JMJD1C: variants seen among roughly 807,000 people sequenced by gnomAD.
The protein encoded by JMJD1C is jumonji domain-containing protein 1C.
JMJD1C carries 31 observed loss-of-function variants against 245.3 expected under a neutral mutation model. That is an observed-to-expected ratio of 0.13 (90% CI 0.09 to 0.17). JMJD1C has a LOEUF of 0.17. Among genes scored for constraint, JMJD1C ranks in the 10% least tolerant of loss-of-function variants. The probability of loss-of-function intolerance (pLI) is 1.00; values close to 1 mark genes in which losing one functional copy is unlikely to be tolerated. For missense variants in JMJD1C, 2,691 were observed against 3,000.2 expected (o/e 0.90, Z 2.41); for synonymous variants, 1,057 against 1,017.4 (o/e 1.04, Z -0.74).
At chr10:63,394,397 A>G (rs1948316766) in intron 1 of JMJD1C, among the ~76,000 whole-genome samples, 1 of 152,232 alleles carries the variant, frequency 6.6e-6, no homozygotes, top group Non-Finnish European at 1.5e-5. Context: ...GGGAGAAAGT[A>G]AATAAATTCA....
intron 1 of JMJD1C, among the ~76,000 whole-genome samples, chr10:63,453,372 A>G (rs1196245662): frequency 6.6e-6 from 1 of 152,210 alleles, no homozygotes; most frequent in Non-Finnish European, 1.5e-5. Flanking sequence ...TTGAAAATGA[A>G]GAGTAATGAA....
At chr10:63,279,226 G>A (rs1857146549) in intron 2 of JMJD1C, among the ~76,000 whole-genome samples, 1 of 152,082 alleles carries the variant, frequency 6.6e-6, no homozygotes, top group African/African-American at 2.4e-5. Context: ...CTCCAGCCTG[G>A]GCAAAAGAGC....
At chr10:63,244,081 C>T (rs1564670631) in intron 3 of JMJD1C, among the ~76,000 whole-genome samples, 1 of 152,106 alleles carries the variant, frequency 6.6e-6, no homozygotes, top group African/African-American at 2.4e-5. Flanking sequence ...GAGAAATATC[C>T]CTGAGGACAG....
chr10:63,183,537 T>C lies in JMJD1C; in HGVS notation c.6994A>G (p.Thr2332Ala). Residue 2332 changes from threonine to alanine, a missense_variant, in exon 22 of 26, where the codon ACA becomes GCA. Thr to Ala is a moderately conservative substitution (Grantham distance 58). Transcript: ENST00000399262. ...GAAACTTCAATATGGAGATTTGTTG[T>C]TCCTATATCATGATCTTTAGCAGCA... The part of the protein sequence containing the change: ...VVAAKDHDIG[T>A]TNLHIEVSDV... 6.2e-7 allele frequency: 1 copy of C among 1,603,256 alleles called. No homozygotes were observed. The highest frequency in any genetic ancestry group is 8.5e-7 in the Non-Finnish European group (1 of 1,173,424).
intron 2 of JMJD1C, among the ~76,000 whole-genome samples, chr10:63,318,376 T>C (rs1357936237): frequency 6.6e-6 from 1 of 152,170 alleles, no homozygotes; most frequent in Non-Finnish European, 1.5e-5. Flanking sequence ...CACCATCCAG[T>C]GATTTCATTT....
intron 1 of JMJD1C, among the ~76,000 whole-genome samples, chr10:63,440,355 T>TAC (rs1456436818): frequency 7.8e-6 from 1 of 128,234 alleles, no homozygotes; most frequent in Non-Finnish European, 1.7e-5. Context: ...AAAAAAAAAA[T>TAC]ATATATATAT....
At chr10:63,518,975 G>A (rs1383776305) in intron 1 of JMJD1C, among the ~76,000 whole-genome samples, 1 of 152,182 alleles carries the variant, frequency 6.6e-6, no homozygotes, top group Non-Finnish European at 1.5e-5. Context: ...CGCCAGTTGA[G>A]TTAACTTCTC....
chr10:63,245,822 TATTCAC>T (rs1388158915), intron 3 of JMJD1C, among the ~76,000 whole-genome samples: 1 of 152,148 alleles, frequency 6.6e-6, no homozygotes, highest in Non-Finnish European at 1.5e-5. Context: ...TCGTGAGACT[TATTCAC>T]TATCACAAGA....
intron 3 of JMJD1C, among the ~76,000 whole-genome samples, chr10:63,223,229 GTTTTT>G (rs35485931): frequency 7.8e-6 from 1 of 128,402 alleles, no homozygotes; most frequent in African/African-American, 3.1e-5. Flanking sequence ...TTTCTGTGCT[GTTTTT>G]TTTTTTTTTT....
At chr10:63,243,243 T>C (rs1332777052) in intron 3 of JMJD1C, among the ~76,000 whole-genome samples, 1 of 151,528 alleles carries the variant, frequency 6.6e-6, no homozygotes, top group African/African-American at 2.4e-5. Context: ...TTTGATTAAT[T>C]TGGCCAGGCG....
At chr10:63,225,585 C>T (rs1849166276) in intron 3 of JMJD1C, among the ~76,000 whole-genome samples, 3 of 151,984 alleles carry the variant, frequency 2.0e-5, no homozygotes, top group South Asian at 4.2e-4. Context: ...GGGGTTCGAC[C>T]TGGCCAACAT....
At chr10:63,184,522 G>T in intron 21 of JMJD1C, 86 bp downstream of exon 21, 1 of 1,191,968 alleles carries the variant, frequency 8.4e-7, no homozygotes, top group Non-Finnish European at 1.2e-6. Context: ...GGGATTGCAG[G>T]CGTGAGCCAC....
chr10:63,234,506 A>AAAAAAAAAAAAAAAAAAAAAAAAAAC (rs1850444076), intron 3 of JMJD1C, among the ~76,000 whole-genome samples: 1 of 148,630 alleles, frequency 6.7e-6, no homozygotes, highest in Admixed American at 6.7e-5. Flanking sequence ...AAAAAAAAAA[A>AAAAAAAAAAAAAAAAAAAAAAAAAAC]AAAAAAAAAA....
chr10:63,263,694 G>A (rs1211979918), intron 3 of JMJD1C, among the ~76,000 whole-genome samples: 1 of 152,056 alleles, frequency 6.6e-6, no homozygotes, highest in African/African-American at 2.4e-5. Context: ...CACTTTGGGA[G>A]GCCGAGGCGG....
At chr10:63,182,030 G>A (rs1843553171) in intron 22 of JMJD1C, among the ~76,000 whole-genome samples, 3 of 152,122 alleles carry the variant, frequency 2.0e-5, no homozygotes, top group Admixed American at 2.0e-4. Context: ...CAGTTTTGAG[G>A]GATTTTAGGT....
chr10:63,245,548 T>A (rs1852099771), intron 3 of JMJD1C, among the ~76,000 whole-genome samples: 1 of 134,412 alleles, frequency 7.4e-6, no homozygotes, highest in Non-Finnish European at 1.5e-5. Context: ...AGTGGCGGGA[T>A]CTCAGCTCAC....
chr10:63,215,803 C>T, intron 5 of JMJD1C, 107 bp from the exon 6 acceptor site: 1 of 720,538 alleles, frequency 1.4e-6, no homozygotes, highest in Non-Finnish European at 2.1e-6. Context: ...AGCTTGGGAT[C>T]CCTAATTTAT....
upstream of JMJD1C, among the ~76,000 whole-genome samples, chr10:63,469,791 A>T (rs928934715): frequency 2.0e-5 from 3 of 152,194 alleles, no homozygotes; most frequent in African/African-American, 7.2e-5. Context: ...ATATATATAG[A>T]TAGGGCTAAG....
At chr10:63,411,240 T>G (rs142420269) in intron 1 of JMJD1C, among the ~76,000 whole-genome samples, 1 of 151,616 alleles carries the variant, frequency 6.6e-6, no homozygotes, top group South Asian at 2.1e-4. Context: ...CCAGGTTAAC[T>G]ACAGTGAGTG....
Sources: gnomAD v4.1 joint callset for allele counts (sites outside exome capture counted in the v4.1 genomes callset) on GRCh38, gnomAD v4.1.1 for gene constraint, MANE v1.5 for transcripts, NCBI Gene and HGNC (gene_info 2026-07-23, HGNC 2026-07-21) for gene names.